The following TGFA variants were observed in gnomAD, a reference collection of about 807,000 sequenced individuals.
TGFA encodes transforming growth factor alpha, also known as protransforming growth factor alpha.
TGFA carries 12 observed loss-of-function variants against 21.7 expected under a neutral mutation model. The observed-to-expected ratio is 0.55, with a 90% CI of 0.35 to 0.90. The LOEUF (loss-of-function observed/expected upper bound fraction) is 0.90, where lower values mean the gene tolerates loss of function less well. TGFA is among the 40% of genes least tolerant of loss of function. The probability of loss-of-function intolerance (pLI) is 0.01; values close to 1 mark genes in which losing one functional copy is unlikely to be tolerated. For missense variants in TGFA, 178 were observed against 210.8 expected, an observed-to-expected ratio of 0.84 and a Z score of 0.96; for synonymous variants, 79 against 88.1, an observed-to-expected ratio of 0.90 and a Z score of 0.58.
At chr2:70,491,161 G>A (rs1304166189) in intron 2 of TGFA, among the ~76,000 whole-genome samples, 1 of 152,180 alleles carries the variant, frequency 6.6e-6, no homozygotes, top group Non-Finnish European at 1.5e-5. Context: ...CAGAAACCCA[G>A]CAAGTTTGCT....
chr2:70,466,864 G>A (rs142808284), intron 2 of TGFA, among the ~76,000 whole-genome samples: 6,127 of 152,270 alleles, frequency 0.04, 185 homozygotes, highest in Non-Finnish European at 0.058. Flanking sequence ...AAAAAGGAAT[G>A]AGATCATGTC....
chr2:70,454,025 A>C (rs1345016187), intron 4 of TGFA, among the ~76,000 whole-genome samples: 1 of 151,678 alleles, frequency 6.6e-6, no homozygotes, highest in Admixed American at 6.6e-5. Context: ...AAGCCCCAAA[A>C]GAACAGAAAA....
At chr2:70,467,506 T>C (rs1670604769) in intron 2 of TGFA, 2 of 152,222 alleles carry the variant, frequency 1.3e-5, no homozygotes, top group African/African-American at 4.8e-5. Context: ...CTTATTTTTT[T>C]CCACTCCCAT....
intron 1 of TGFA, among the ~76,000 whole-genome samples, chr2:70,539,920 T>C (rs1275807938): frequency 6.6e-6 from 1 of 152,206 alleles, no homozygotes; most frequent in African/African-American, 2.4e-5. Context: ...TACTCTACAC[T>C]AGTACTCCCA....
At position 70,534,658 on chromosome 2, in the gene TGFA, G is replaced by C. The variant is rs556709579; in HGVS notation, c.40+19070C>G. On this transcript the variant is annotated intron_variant, in intron 1 of 5. Coordinates refer to ENST00000295400, the MANE Select transcript of TGFA (RefSeq NM_003236.4). ...TTGTGATCATCTGAATACCTGAACTGTTGACTGAAGGAGGGAAAAAACCAC... is the reference window on the plus strand; with the variant it reads ...TTGTGATCATCTGAATACCTGAACTCTTGACTGAAGGAGGGAAAAAACCAC... 1.8e-4 allele frequency among the ~76,000 whole-genome samples: 27 copies of C among 151,996 alleles called. 1 individual carries two copies. In the South Asian group the frequency reaches 5.2e-3, roughly 29 times the overall value.
intron 2 of TGFA, among the ~76,000 whole-genome samples, chr2:70,470,258 G>A (rs1670699010): frequency 6.6e-6 from 1 of 152,012 alleles, no homozygotes; most frequent in African/African-American, 2.4e-5. Flanking sequence ...GGAAAGTAAG[G>A]GTAAGGAGCA....
chr2:70,486,854 C>T (rs573868474), intron 2 of TGFA, among the ~76,000 whole-genome samples: 1 of 152,218 alleles, frequency 6.6e-6, no homozygotes, highest in Admixed American at 6.5e-5. Context: ...GCTCCACCTC[C>T]CGGGTTCACA....
chr2:70,549,804 A>G (rs1553506541), intron 1 of TGFA, among the ~76,000 whole-genome samples: 2 of 152,260 alleles, frequency 1.3e-5, no homozygotes. Flanking sequence ...TTCCTATAAG[A>G]AAAGTCCCCT....
chr2:70,552,621 T>C (rs1553506974), intron 1 of TGFA, among the ~76,000 whole-genome samples: 2 of 152,056 alleles, frequency 1.3e-5, no homozygotes, highest in African/African-American at 4.8e-5. Context: ...TCTGCTGCGG[T>C]TTTTAATCAG....
At chr2:70,549,238 T>C (rs1306750750) in intron 1 of TGFA, among the ~76,000 whole-genome samples, 1 of 152,226 alleles carries the variant, frequency 6.6e-6, no homozygotes, top group African/African-American at 2.4e-5. Flanking sequence ...GGGCTAACTC[T>C]GTCCTGGTCG....
intron 2 of TGFA, among the ~76,000 whole-genome samples, chr2:70,470,132 G>A (rs1302869757): frequency 6.6e-6 from 1 of 151,940 alleles, no homozygotes; most frequent in Admixed American, 6.6e-5. Flanking sequence ...AGAGAGAGAC[G>A]GGGTGGGGTT....
chr2:70,473,264 C>T (rs782672927), intron 2 of TGFA, among the ~76,000 whole-genome samples: 6 of 152,044 alleles, frequency 3.9e-5, no homozygotes, highest in Non-Finnish European at 5.9e-5. Context: ...GAGGCTGGTG[C>T]GGAGGCTTAC....
At chr2:70,486,576 C>T (rs1302798103) in intron 2 of TGFA, among the ~76,000 whole-genome samples, 1 of 152,078 alleles carries the variant, frequency 6.6e-6, no homozygotes, top group Non-Finnish European at 1.5e-5. Context: ...ATCCTCCTGC[C>T]TCTGCCTCCC....
chr2:70,462,796 T>C (rs2103688908), intron 3 of TGFA, among the ~76,000 whole-genome samples: 1 of 151,882 alleles, frequency 6.6e-6, no homozygotes, highest in Admixed American at 6.6e-5. Context: ...GGTAAAGAGG[T>C]GTAATTGCTT....
intron 3 of TGFA, among the ~76,000 whole-genome samples, chr2:70,463,267 G>T (rs1670457456): frequency 6.6e-6 from 1 of 152,164 alleles, no homozygotes; most frequent in South Asian, 2.1e-4. Context: ...TGCCTGCCAT[G>T]AACTAAGCTT....
intron 2 of TGFA, among the ~76,000 whole-genome samples, chr2:70,469,557 G>C (rs1409157809): frequency 6.6e-6 from 1 of 152,050 alleles, no homozygotes; most frequent in Non-Finnish European, 1.5e-5. Context: ...GGCTGGCCTC[G>C]AACTCCTGGG....
intron 2 of TGFA, among the ~76,000 whole-genome samples, chr2:70,467,064 A>AT (rs1670588904): frequency 6.6e-6 from 1 of 152,068 alleles, no homozygotes. Flanking sequence ...GGGGGAGAAC[A>AT]TTAGGGAAAA....
intron 2 of TGFA, among the ~76,000 whole-genome samples, chr2:70,500,986 A>G (rs1038995998): frequency 2.1e-5 from 3 of 142,240 alleles, no homozygotes; most frequent in Non-Finnish European, 3.0e-5. Context: ...AAAAAAAAAA[A>G]TTGCAGAGAC....
At chr2:70,512,234 G>C (rs1672125581) in intron 2 of TGFA, among the ~76,000 whole-genome samples, 1 of 152,130 alleles carries the variant, frequency 6.6e-6, no homozygotes, top group South Asian at 2.1e-4. Flanking sequence ...GGGTCTCATG[G>C]GGCAGGGCCA....
Sources: gnomAD v4.1 joint callset for allele counts (sites outside exome capture counted in the v4.1 genomes callset) on GRCh38, gnomAD v4.1.1 for gene constraint, MANE v1.5 for transcripts, NCBI Gene and HGNC (gene_info 2026-07-23, HGNC 2026-07-21) for gene names.